The following ANKRD17 variants were observed in gnomAD, a reference collection of about 807,000 sequenced individuals.
ANKRD17 encodes the protein ankyrin repeat domain-containing protein 17.
ANKRD17 carries 19 observed loss-of-function variants against 229.7 expected under a neutral mutation model. The ratio of observed to expected loss-of-function variants is 0.08; its 90% CI spans 0.06 to 0.12. The LOEUF is 0.12. ANKRD17 is among the 10% of genes least tolerant of loss of function. ANKRD17 has a pLI of 1.00. For synonymous variants in ANKRD17, 1,112 were observed against 1,146.1 expected (o/e 0.97, Z 0.60); for missense variants, 2,176 against 3,176.8 (o/e 0.68, Z 7.57).
In ANKRD17 at chr4:73,120,356, T is replaced by G. The variant is rs766219162; in HGVS notation, c.3850-19A>C. ...GACCAGTCTAAGTTTAGTGTAAAATTAAAAGTAATGACACGTAAGAGACTG... is the reference window on the plus strand; with the variant it reads ...GACCAGTCTAAGTTTAGTGTAAAATGAAAAGTAATGACACGTAAGAGACTG... On this transcript the variant is annotated intron_variant, in intron 20 of 33. Transcript: ENST00000358602. 6.2e-7 allele frequency: 1 copy of G among 1,610,580 alleles called. No individual in the cohort carries two copies.
At position 73,092,315 on chromosome 4, in the gene ANKRD17, A is replaced by T. The variant is rs756784500; in HGVS notation, c.5328-15T>A. On this transcript the variant is annotated splice_polypyrimidine_tract_variant and intron_variant, in intron 28 of 33. Transcript: ENST00000358602. ...CAGTGCCACCCCTATAAATTGAGAA[A>T]AAAAAATTAGGTAGAATTTTCCCTA... The T allele has an allele frequency of 6.3e-7, 1 of 1,577,774 alleles. No homozygotes were observed. The highest frequency in any genetic ancestry group is 1.2e-5 in the South Asian group (1 of 84,808).
intron 1 of ANKRD17, among the ~76,000 whole-genome samples, chr4:73,241,323 A>C (rs941965374): frequency 1.4e-4 from 21 of 152,166 alleles, no homozygotes; most frequent in African/African-American, 5.1e-4. Flanking sequence ...AAAATGTAAA[A>C]GTTAAGAGGC....
rs560468517 is a variant in ANKRD17 at position 73,169,766 on chromosome 4, C to A, written c.547+7614G>T. Among the ~76,000 whole-genome samples, 3 of 152,180 alleles carry A rather than the reference C, an allele frequency of 2.0e-5. No homozygotes were observed. The South Asian group carries it at 6.2e-4, about 31-fold the overall frequency. On this transcript the variant is annotated intron_variant, in intron 2 of 33. Coordinates refer to ENST00000358602, the MANE Select transcript of ANKRD17 (RefSeq NM_032217.5). Reference sequence around the variant, plus strand: ...TGCAAAGAACTGTGCAACTGTAAGACGGAGAGCATAGCAACTGTGAGCCTT... The same window carrying A: ...TGCAAAGAACTGTGCAACTGTAAGAAGGAGAGCATAGCAACTGTGAGCCTT...
intron 2 of ANKRD17, among the ~76,000 whole-genome samples, chr4:73,173,782 G>A (rs1734349987): frequency 6.6e-6 from 1 of 152,168 alleles, no homozygotes; most frequent in Admixed American, 6.6e-5. Context: ...AGAAGCAGCA[G>A]TGGGAAGAGC....
chr4:73,073,747 G>A lies in ANKRD17; in HGVS notation c.*2484C>T, dbSNP rs754459569. On this transcript the variant is annotated 3_prime_UTR_variant, in exon 34 of 34. Transcript: ENST00000358602. ...CAGTGTTTGTAAATATGTTGATTATGTTGAAATGTATGTTGAAAAGGCATG... is the reference window on the plus strand; with the variant it reads ...CAGTGTTTGTAAATATGTTGATTATATTGAAATGTATGTTGAAAAGGCATG... 5.9e-5 allele frequency: 9 copies of A among 151,942 alleles called. No individual in the cohort carries two copies. The highest frequency in any genetic ancestry group is 9.7e-5 in the African/African-American group (4 of 41,418). The allele number at this position is 151,942 out of a possible 1,614,324, so 9.4% of individuals were successfully genotyped here.
At chr4:73,124,843 A>G in intron 18 of ANKRD17, 70 bp downstream of exon 18, 1 of 1,543,414 alleles carries the variant, frequency 6.5e-7, no homozygotes, top group Non-Finnish European at 8.8e-7. Context: ...GATAGAAAAA[A>G]TAATATAAGT....
At chr4:73,118,627 C>T in intron 22 of ANKRD17, 61 bp downstream of exon 22, 2 of 1,569,300 alleles carry the variant, frequency 1.3e-6, no homozygotes, top group Admixed American at 1.7e-5. Context: ...GATCACTAAG[C>T]CATGTACTTC....
rs895005571 is a variant in ANKRD17, at chr4:73,143,555, C to T, written c.1958-788G>A. The stretch of plus-strand genomic sequence containing the variant: ...GGGGACAGCGATTATGTACATAATG[C>T]TATATATTCATAACAGTATTCTAAA... On this transcript the variant is annotated intron_variant, in intron 11 of 33. Coordinates refer to ENST00000358602, the MANE Select transcript of ANKRD17 (RefSeq NM_032217.5). 2.0e-5 allele frequency among the ~76,000 whole-genome samples: 3 copies of T among 152,094 alleles called. No individual in the cohort carries two copies. In the South Asian group the frequency reaches 6.2e-4, roughly 32 times the overall value.
intron 1 of ANKRD17, among the ~76,000 whole-genome samples, chr4:73,254,266 C>CT (rs1745267402): frequency 6.6e-6 from 1 of 152,166 alleles, no homozygotes. Context: ...ACAGATCCTC[C>CT]CTGGCCTTGC....
At chr4:73,121,842 T>C in intron 18 of ANKRD17, 83 bp from the exon 19 acceptor site, 2 of 1,351,174 alleles carry the variant, frequency 1.5e-6, no homozygotes, top group African/African-American at 3.0e-5. Flanking sequence ...CTTTTTCTGG[T>C]ATACTGTACA....
chr4:73,179,021 C>T (rs1735096511), intron 1 of ANKRD17, among the ~76,000 whole-genome samples: 1 of 151,932 alleles, frequency 6.6e-6, no homozygotes, highest in South Asian at 2.1e-4. Flanking sequence ...TCCAGAAGGT[C>T]AACAATAAAA....
chr4:73,145,621 T>A (rs1730169855), intron 10 of ANKRD17, among the ~76,000 whole-genome samples: 1 of 152,198 alleles, frequency 6.6e-6, no homozygotes. Context: ...TGCCATCAAC[T>A]AACCAAGTAC....
chr4:73,229,277 TATA>T (rs1742814903), intron 1 of ANKRD17, among the ~76,000 whole-genome samples: 1 of 152,132 alleles, frequency 6.6e-6, no homozygotes, highest in Non-Finnish European at 1.5e-5. Context: ...GAACTTAAAG[TATA>T]ATAAAATAAA....
intron 1 of ANKRD17, among the ~76,000 whole-genome samples, chr4:73,253,549 G>A (rs1313810695): frequency 6.6e-6 from 1 of 152,192 alleles, no homozygotes; most frequent in Non-Finnish European, 1.5e-5. Context: ...TGAGGAAATT[G>A]CAGTAGAGAT....
At chr4:73,082,306 AAAAAATAAATACAT>A (rs535087492) in intron 30 of ANKRD17, among the ~76,000 whole-genome samples, 192 of 152,254 alleles carry the variant, frequency 1.3e-3, no homozygotes, top group African/African-American at 4.5e-3. Context: ...CTCATCTTAC[AAAAAATAAATACAT>A]AAAAATAAAA....
At chr4:73,211,664 T>C (rs891252473) in intron 1 of ANKRD17, among the ~76,000 whole-genome samples, 1 of 151,880 alleles carries the variant, frequency 6.6e-6, no homozygotes, top group Non-Finnish European at 1.5e-5. Flanking sequence ...CTGGCCAACA[T>C]GGTGAAACCC....
At chr4:73,096,330 A>C in intron 27 of ANKRD17, among the ~76,000 whole-genome samples, 1 of 152,214 alleles carries the variant, frequency 6.6e-6, no homozygotes, top group East Asian at 1.9e-4. Flanking sequence ...ATTTCAATTA[A>C]TCCAATAGAG....
chr4:73,195,045 A>G (rs1737662853), intron 1 of ANKRD17, among the ~76,000 whole-genome samples: 1 of 152,164 alleles, frequency 6.6e-6, no homozygotes, highest in Non-Finnish European at 1.5e-5. Flanking sequence ...ACTCTCTTAT[A>G]TTCCTAGTTT....
chr4:73,160,354 G>T (rs1020775166), intron 3 of ANKRD17, among the ~76,000 whole-genome samples: 4 of 152,010 alleles, frequency 2.6e-5, no homozygotes, highest in Non-Finnish European at 5.9e-5. Context: ...GAGTAGCGGG[G>T]ATTGCAGGCG....
Sources: gnomAD v4.1 joint callset for allele counts (sites outside exome capture counted in the v4.1 genomes callset) on GRCh38, gnomAD v4.1.1 for gene constraint, MANE v1.5 for transcripts, NCBI Gene and HGNC (gene_info 2026-07-23, HGNC 2026-07-21) for gene names.